Variants in ARHGAP15 observed in about 807,000 individuals in gnomAD.
ARHGAP15 encodes the protein Rho GTPase activating protein 15.
ARHGAP15 carries 51 observed loss-of-function variants against 63.7 expected under a neutral mutation model. The observed-to-expected ratio is 0.80, with a 90% CI of 0.64 to 1.01. The LOEUF (loss-of-function observed/expected upper bound fraction) is 1.01. Ranked by LOEUF, ARHGAP15 falls within the 50% of genes least tolerant of loss-of-function variation. ARHGAP15 has a pLI of 0.00. For missense variants in ARHGAP15, 560 were observed against 564.6 expected, an observed-to-expected ratio of 0.99 and a Z score of 0.08; for synonymous variants, 191 against 193.8, an observed-to-expected ratio of 0.99 and a Z score of 0.12.
intron 6 of ARHGAP15, among the ~76,000 whole-genome samples, chr2:143,278,868 C>CTTTTT (rs965265275): frequency 3.7e-5 from 5 of 135,306 alleles, no homozygotes; most frequent in Admixed American, 7.3e-5. Flanking sequence ...TTCTTTCTTT[C>CTTTTT]TTTTTTTTTT....
At chr2:143,263,465 G>A (rs934381184) in intron 6 of ARHGAP15, among the ~76,000 whole-genome samples, 2 of 152,154 alleles carry the variant, frequency 1.3e-5, no homozygotes, top group Admixed American at 1.3e-4. Context: ...CATGTAATCA[G>A]TGGTAGGTAG....
chr2:143,425,387 T>C (rs1221372798), intron 6 of ARHGAP15, among the ~76,000 whole-genome samples: 1 of 152,000 alleles, frequency 6.6e-6, no homozygotes, highest in Non-Finnish European at 1.5e-5. Context: ...TGTACTATAT[T>C]ACATATTATA....
At chr2:143,142,676 G>T (rs1247907713) in intron 1 of ARHGAP15, among the ~76,000 whole-genome samples, 2 of 152,026 alleles carry the variant, frequency 1.3e-5, no homozygotes, top group East Asian at 3.9e-4. Context: ...CTTGTGTTGT[G>T]ATAGTAACAG....
intron 9 of ARHGAP15, among the ~76,000 whole-genome samples, chr2:143,511,620 C>T (rs531411756): frequency 6.6e-6 from 1 of 152,034 alleles, no homozygotes; most frequent in Admixed American, 6.6e-5. Flanking sequence ...AGAAATAATC[C>T]TTAATGTTGT....
chr2:143,176,057 G>A (rs1690999156), intron 2 of ARHGAP15, among the ~76,000 whole-genome samples: 1 of 152,106 alleles, frequency 6.6e-6, no homozygotes, highest in Non-Finnish European at 1.5e-5. Context: ...TCATTCCACG[G>A]TTATGCTTGA....
chr2:143,694,303 A>T (rs1683746235), intron 12 of ARHGAP15, among the ~76,000 whole-genome samples: 1 of 152,208 alleles, frequency 6.6e-6, no homozygotes, highest in Non-Finnish European at 1.5e-5. Flanking sequence ...GAGAAAAGGT[A>T]TCTACAACAT....
At chr2:143,539,895 T>C (rs1478379339) in intron 10 of ARHGAP15, among the ~76,000 whole-genome samples, 2 of 152,108 alleles carry the variant, frequency 1.3e-5, no homozygotes, top group Non-Finnish European at 2.9e-5. Flanking sequence ...GTCTATTAGG[T>C]CTGCTTGGTG....
intron 6 of ARHGAP15, among the ~76,000 whole-genome samples, chr2:143,322,281 A>G (rs1422057558): frequency 6.6e-6 from 1 of 152,200 alleles, no homozygotes; most frequent in East Asian, 1.9e-4. Flanking sequence ...TTTGCCAAGA[A>G]AATCCGTGAT....
intron 6 of ARHGAP15, among the ~76,000 whole-genome samples, chr2:143,373,614 A>T: frequency 7.5e-6 from 1 of 132,886 alleles, no homozygotes; most frequent in South Asian, 2.7e-4. Flanking sequence ...TGGGTGAGAG[A>T]GCCAGACTCT....
intron 13 of ARHGAP15, among the ~76,000 whole-genome samples, chr2:143,736,835 A>G (rs1685764379): frequency 6.6e-6 from 1 of 152,228 alleles, no homozygotes; most frequent in Non-Finnish European, 1.5e-5. Flanking sequence ...CAACATTTCA[A>G]AACCCAACCA....
intron 12 of ARHGAP15, among the ~76,000 whole-genome samples, chr2:143,676,962 A>G (rs903412268): frequency 6.6e-6 from 1 of 152,250 alleles, no homozygotes; most frequent in Non-Finnish European, 1.5e-5. Flanking sequence ...ATGTGTGCCT[A>G]TAATTAAATT....
chr2:143,444,642 T>C (rs1268420778), intron 8 of ARHGAP15, among the ~76,000 whole-genome samples: 1 of 152,198 alleles, frequency 6.6e-6, no homozygotes, highest in Non-Finnish European at 1.5e-5. Flanking sequence ...ATGGATTTAT[T>C]TGGATGTCCC....
chr2:143,409,540 A>G (rs1688356880), intron 6 of ARHGAP15, among the ~76,000 whole-genome samples: 1 of 152,156 alleles, frequency 6.6e-6, no homozygotes, highest in Non-Finnish European at 1.5e-5. Context: ...AAGCTCTCTG[A>G]AAAAATGTTA....
intron 13 of ARHGAP15, among the ~76,000 whole-genome samples, chr2:143,746,996 CTTTTAACT>C (rs1686190639): frequency 6.6e-6 from 1 of 151,932 alleles, no homozygotes; most frequent in Non-Finnish European, 1.5e-5. Context: ...GCTTTATCAT[CTTTTAACT>C]TTTTTTTTGT....
At chr2:143,623,013 C>G (rs1698698578) in intron 11 of ARHGAP15, among the ~76,000 whole-genome samples, 1 of 152,110 alleles carries the variant, frequency 6.6e-6, no homozygotes, top group Admixed American at 6.6e-5. Flanking sequence ...TTTCAGTTGA[C>G]CAAATACCTC....
At chr2:143,584,774 G>T (rs1048281040) in intron 11 of ARHGAP15, among the ~76,000 whole-genome samples, 1 of 152,112 alleles carries the variant, frequency 6.6e-6, no homozygotes, top group Non-Finnish European at 1.5e-5. Flanking sequence ...TTGCAGTTTG[G>T]CCATTATGTT....
intron 10 of ARHGAP15, among the ~76,000 whole-genome samples, chr2:143,525,355 CAAA>C (rs11291093): frequency 1.4e-5 from 2 of 139,464 alleles, no homozygotes; most frequent in African/African-American, 2.7e-5. Context: ...TTACATGCTC[CAAA>C]AAAAAAAAAA....
At chr2:143,404,369 A>G (rs1688110452) in intron 6 of ARHGAP15, among the ~76,000 whole-genome samples, 1 of 151,996 alleles carries the variant, frequency 6.6e-6, no homozygotes, top group Admixed American at 6.6e-5. Context: ...GTAAAATTTG[A>G]TAGAGACCCT....
intron 2 of ARHGAP15, among the ~76,000 whole-genome samples, chr2:143,168,666 G>A (rs775618127): frequency 2.0e-4 from 31 of 151,990 alleles, no homozygotes; most frequent in South Asian, 6.2e-4. Flanking sequence ...TTGAAGAGAC[G>A]CTACTTTGTA....
Sources: allele counts gnomAD v4.1 joint callset (sites outside exome capture counted in the v4.1 genomes callset), GRCh38; gene constraint gnomAD v4.1.1; transcripts MANE v1.5; gene names NCBI Gene and HGNC (gene_info 2026-07-23, HGNC 2026-07-21).